Variants in PCDH7 observed in about 807,000 individuals in gnomAD.
The protein encoded by PCDH7 is protocadherin-7.
A neutral mutation model predicts 58.9 loss-of-function variants in PCDH7; 17 were observed. That is an observed-to-expected ratio of 0.29 (90% CI 0.20 to 0.43). PCDH7 has a LOEUF of 0.43. Ranked by LOEUF, PCDH7 falls within the 20% of genes least tolerant of loss-of-function variation. The pLI, the probability that PCDH7 is intolerant of heterozygous loss-of-function variation, is 1.00. For synonymous variants in PCDH7, 664 were observed against 616.4 expected (o/e 1.08, Z -1.14); for missense variants, 1,274 against 1,441.0 (o/e 0.88, Z 1.88).
In PCDH7 at chr4:30,981,167, G is replaced by A. The variant is rs188020214; in HGVS notation, c.*7+30952G>A. Among the ~76,000 whole-genome samples, 305 of 152,210 alleles carry A rather than the reference G, an allele frequency of 2.0e-3. 1 individual carries two copies. The highest frequency in any genetic ancestry group is 3.3e-3 in the Non-Finnish European group (226 of 68,004). ...TATTTATTTATTTTTAATCATGAACGTTTAAAAGAAAAGTAGAGCTCCAGT... is the reference window on the plus strand; with the variant it reads ...TATTTATTTATTTTTAATCATGAACATTTAAAAGAAAAGTAGAGCTCCAGT... On this transcript the variant is annotated intron_variant, in intron 3 of 3. Transcript: ENST00000509759.
At chr4:30,869,394 C>A (rs1317834421) in intron 1 of PCDH7, among the ~76,000 whole-genome samples, 1 of 152,114 alleles carries the variant, frequency 6.6e-6, no homozygotes, top group South Asian at 2.1e-4. Flanking sequence ...ATCAACCTGC[C>A]ATCTACATTA....
chr4:30,829,424 GAGA>G (rs1353044386), intron 1 of PCDH7, among the ~76,000 whole-genome samples: 5 of 152,052 alleles, frequency 3.3e-5, no homozygotes, highest in African/African-American at 9.7e-5. Context: ...TCATTCAGCA[GAGA>G]AGAAGTTGAG....
intron 1 of PCDH7, among the ~76,000 whole-genome samples, chr4:30,896,468 A>G (rs1258471251): frequency 1.3e-5 from 2 of 152,168 alleles, no homozygotes; most frequent in Non-Finnish European, 1.5e-5. Context: ...GCATTTTTAT[A>G]AAAGTTATAA....
chr4:30,857,128 C>T (rs565261894), intron 1 of PCDH7, among the ~76,000 whole-genome samples: 50 of 152,100 alleles, frequency 3.3e-4, no homozygotes, highest in African/African-American at 1.1e-3. Flanking sequence ...ACTTCTTTTC[C>T]ACTCTTGTTT....
chr4:30,879,149 T>G (rs964358286), intron 1 of PCDH7, among the ~76,000 whole-genome samples: 3 of 151,936 alleles, frequency 2.0e-5, no homozygotes, highest in Non-Finnish European at 4.4e-5. Flanking sequence ...ATCCAATTCT[T>G]TCCTCCTGTT....
chr4:30,725,323 A>G, intron 1 of PCDH7: 1 of 985,208 alleles, frequency 1.0e-6, no homozygotes, highest in Non-Finnish European at 1.2e-6. Context: ...AATACATTGC[A>G]TGAGCCATTT....
At position 31,060,416 on chromosome 4, in the gene PCDH7, C is replaced by CT. The variant is rs1757596516; in HGVS notation, c.*8-82053dup. 2.0e-5 allele frequency among the ~76,000 whole-genome samples: 3 copies of CT among 151,792 alleles called. No individual in the cohort carries two copies. In the South Asian group the frequency reaches 6.2e-4, roughly 31 times the overall value. ...CTGTATCCAGCTAGGTTCTTAAATGCTTTTGTCTTCCTCATTGCCGTATTG... is the reference window on the plus strand; with the variant it reads ...CTGTATCCAGCTAGGTTCTTAAATGCTTTTTGTCTTCCTCATTGCCGTATTG... On this transcript the variant is annotated intron_variant, in intron 3 of 3. Coordinates refer to the PCDH7 transcript ENST00000509759.
chr4:31,007,342 G>T (rs1752850633), intron 3 of PCDH7, among the ~76,000 whole-genome samples: 1 of 152,210 alleles, frequency 6.6e-6, no homozygotes, highest in Non-Finnish European at 1.5e-5. Context: ...TTAGACAAGA[G>T]TATTGAAGTG....
At chr4:30,987,563 T>C (rs1293769003) in intron 3 of PCDH7, 1 of 152,090 alleles carries the variant, frequency 6.6e-6, no homozygotes, top group Non-Finnish European at 1.5e-5. Flanking sequence ...CTCACCTGTA[T>C]TCTCTGCTTC....
intron 1 of PCDH7, chr4:30,730,711 A>ATT: frequency 6.8e-7 from 1 of 1,466,566 alleles, no homozygotes; most frequent in Non-Finnish European, 9.3e-7. Flanking sequence ...TTCTTTATCG[A>ATT]TTTTTTTTTA....
At position 30,968,417 on chromosome 4, in the gene PCDH7, G is replaced by GATATATATAT. The variant is rs1560541749; in HGVS notation, c.*7+18202_*7+18203insATATATATAT. The stretch of plus-strand genomic sequence containing the variant: ...ATATATATATATATATATATATATG[G>GATATATATAT]GATATTATGTCAGAATTAAAAAACA... On this transcript the variant is annotated intron_variant, in intron 3 of 3. Transcript: ENST00000509759. Among the ~76,000 whole-genome samples the GATATATATAT allele has an allele frequency of 3.6e-3, 75 of 20,914 alleles. 2 individuals are homozygous for GATATATATAT. The highest frequency in any genetic ancestry group is 4.9e-3 in the African/African-American group (34 of 7,000). The allele number at this position is 20,914 out of a possible 152,430, so 13.7% of individuals were successfully genotyped here.
chr4:31,118,036 C>T (rs1560240282), intron 3 of PCDH7, among the ~76,000 whole-genome samples: 1 of 152,262 alleles, frequency 6.6e-6, no homozygotes, highest in East Asian at 1.9e-4. Flanking sequence ...ATTCCCTTTC[C>T]TAGATTCTCC....
At chr4:31,073,340 T>C (rs1758710424) in intron 3 of PCDH7, among the ~76,000 whole-genome samples, 1 of 152,182 alleles carries the variant, frequency 6.6e-6, no homozygotes, top group Non-Finnish European at 1.5e-5. Flanking sequence ...CCACTGATAT[T>C]TAATATCTTC....
chr4:30,750,675 C>T (rs979012648), intron 1 of PCDH7, among the ~76,000 whole-genome samples: 1 of 152,066 alleles, frequency 6.6e-6, no homozygotes, highest in Admixed American at 6.6e-5. Flanking sequence ...ATGCCCTTAT[C>T]CATTATGTGC....
At chr4:30,974,741 T>C (rs754534857) in intron 3 of PCDH7, among the ~76,000 whole-genome samples, 1 of 152,166 alleles carries the variant, frequency 6.6e-6, no homozygotes, top group Non-Finnish European at 1.5e-5. Flanking sequence ...CAGTTTTAAA[T>C]AAGCATTCAA....
At chr4:31,073,344 T>G (rs1758710719) in intron 3 of PCDH7, among the ~76,000 whole-genome samples, 1 of 152,194 alleles carries the variant, frequency 6.6e-6, no homozygotes, top group South Asian at 2.1e-4. Context: ...TGATATTTAA[T>G]ATCTTCTAAG....
chr4:30,798,381 C>A (rs1371158555), intron 1 of PCDH7, among the ~76,000 whole-genome samples: 1 of 152,100 alleles, frequency 6.6e-6, no homozygotes, highest in African/African-American at 2.4e-5. Context: ...GACTTAAAAC[C>A]CTTGTGACAT....
At chr4:31,068,129 A>C (rs1758239058) in intron 3 of PCDH7, among the ~76,000 whole-genome samples, 1 of 151,900 alleles carries the variant, frequency 6.6e-6, no homozygotes, top group Non-Finnish European at 1.5e-5. Flanking sequence ...TTGGACCTTA[A>C]ATTTTTTTGC....
intron 3 of PCDH7, among the ~76,000 whole-genome samples, chr4:30,973,981 G>C (rs1749825525): frequency 6.6e-6 from 1 of 151,932 alleles, no homozygotes; most frequent in African/African-American, 2.4e-5. Context: ...GCAAGAAGGA[G>C]TATGCTTGAG....
Sources: gnomAD v4.1 joint callset for allele counts (sites outside exome capture counted in the v4.1 genomes callset) on GRCh38, gnomAD v4.1.1 for gene constraint, MANE v1.5 for transcripts, NCBI Gene and HGNC (gene_info 2026-07-23, HGNC 2026-07-21) for gene names.